DYM: variants seen among roughly 807,000 people sequenced by gnomAD.
The protein encoded by DYM is dymeclin.
DYM carries 78 observed loss-of-function variants against 93.1 expected under a neutral mutation model. The observed-to-expected ratio is 0.84, with a 90% CI of 0.70 to 1.01. The LOEUF (loss-of-function observed/expected upper bound fraction) is 1.01. Ranked by LOEUF, DYM falls within the 50% of genes least tolerant of loss-of-function variation. The probability of loss-of-function intolerance (pLI) is 0.00; values close to 1 mark genes in which losing one functional copy is unlikely to be tolerated. For missense variants in DYM, 789 were observed against 845.0 expected (o/e 0.93, Z 0.82); for synonymous variants, 321 against 319.7 (o/e 1.00, Z -0.04).
intron 5 of DYM, among the ~76,000 whole-genome samples, chr18:49,364,661 A>G (rs1381042418): frequency 6.6e-6 from 1 of 152,166 alleles, no homozygotes; most frequent in Non-Finnish European, 1.5e-5. Flanking sequence ...TCCATGCTCC[A>G]AAGTACAGCA....
At chr18:49,197,122 G>A (rs1321566035) in intron 14 of DYM, among the ~76,000 whole-genome samples, 1 of 152,092 alleles carries the variant, frequency 6.6e-6, no homozygotes, top group East Asian at 1.9e-4. Context: ...CTTGGGAGAT[G>A]GGACATGTGA....
chr18:49,232,757 C>T (rs1459516475), intron 13 of DYM, among the ~76,000 whole-genome samples: 26 of 151,616 alleles, frequency 1.7e-4, no homozygotes, highest in Admixed American at 1.3e-3. Flanking sequence ...TACAGATGCG[C>T]GCCACCACGC....
intron 13 of DYM, among the ~76,000 whole-genome samples, chr18:49,215,155 A>G (rs1215425291): frequency 1.3e-5 from 2 of 152,258 alleles, no homozygotes; most frequent in Non-Finnish European, 2.9e-5. Context: ...CATGGAATTC[A>G]GTACACAAAG....
intron 8 of DYM, among the ~76,000 whole-genome samples, chr18:49,329,323 A>G (rs563741469): frequency 6.6e-6 from 1 of 151,678 alleles, no homozygotes; most frequent in East Asian, 1.9e-4. Context: ...ATTAGGAGAA[A>G]TACCTAATGT....
chr18:49,246,156 AC>A (rs1315583373), intron 13 of DYM, among the ~76,000 whole-genome samples: 1 of 152,212 alleles, frequency 6.6e-6, no homozygotes, highest in Non-Finnish European at 1.5e-5. Flanking sequence ...GGAGTTATCT[AC>A]CTACCTTTTT....
In DYM at chr18:49,041,349, C is replaced by T. The variant is rs2070911229; in HGVS notation, c.*2706G>A. On this transcript the variant is annotated 3_prime_UTR_variant, in exon 18 of 18. Transcript: ENST00000675505. ...ACACAATGCAGTAACAGCTTCAGAT[C>T]TGGGGTAAAATCAGATGCCAATTTC... 1.3e-5 allele frequency: 2 copies of T among 152,222 alleles called. No individual in the cohort carries two copies. Among genetic ancestry groups the T allele is most frequent in the South Asian group, 4.1e-4 (2 of 4,830 alleles). The allele number at this position is 152,222 out of a possible 1,614,324, so 9.4% of individuals were successfully genotyped here. A position where few individuals can be genotyped will look rare whatever the true frequency, so the allele number is the denominator to read the frequency against.
intron 17 of DYM, among the ~76,000 whole-genome samples, chr18:49,045,569 C>T (rs888065750): frequency 9.2e-5 from 14 of 152,160 alleles, no homozygotes; most frequent in Non-Finnish European, 1.9e-4. Flanking sequence ...CCTAGAGATA[C>T]GGGGGTGCGG....
intron 8 of DYM, among the ~76,000 whole-genome samples, chr18:49,318,709 G>C (rs28394213): frequency 0.025 from 3,839 of 151,498 alleles, 155 homozygotes; most frequent in African/African-American, 0.086. Flanking sequence ...ATCTTGAAAA[G>C]TAAGTGATAA....
Position 49,430,430 on chromosome 18 carries a change from G to C in DYM, c.-36C>G, listed in dbSNP as rs373940143. Reference sequence around the variant, plus strand: ...AAGCAGATAATTTGTCCTTAAACCTGCATTTCCAAAAGACAACCTATAAAA... The same window carrying C: ...AAGCAGATAATTTGTCCTTAAACCTCCATTTCCAAAAGACAACCTATAAAA... On this transcript the variant is annotated 5_prime_UTR_variant, in exon 2 of 18. Coordinates refer to ENST00000675505, the MANE Select transcript of DYM (RefSeq NM_001353214.3). The C allele has an allele frequency of 6.3e-5, 101 of 1,610,482 alleles. No homozygotes were observed. Among genetic ancestry groups the C allele is most frequent in the Non-Finnish European group, 8.1e-5 (96 of 1,179,658 alleles).
intron 8 of DYM, among the ~76,000 whole-genome samples, chr18:49,300,081 A>T (rs1280877152): frequency 2.2e-5 from 3 of 136,738 alleles, no homozygotes; most frequent in Non-Finnish European, 3.1e-5. Context: ...ATATATATAT[A>T]TATAAATATA....
intron 17 of DYM, among the ~76,000 whole-genome samples, chr18:49,070,806 T>G (rs993061167): frequency 2.6e-5 from 4 of 152,180 alleles, no homozygotes; most frequent in African/African-American, 9.7e-5. Flanking sequence ...GGAAAAGGAA[T>G]GTTAGCCGCT....
intron 8 of DYM, among the ~76,000 whole-genome samples, chr18:49,318,749 A>G (rs966302883): frequency 6.6e-6 from 1 of 150,392 alleles, no homozygotes; most frequent in African/African-American, 2.5e-5. Context: ...CTCAAATAGC[A>G]TCTCTCTTGA....
intron 6 of DYM, among the ~76,000 whole-genome samples, chr18:49,342,515 G>A (rs532399218): frequency 1.4e-4 from 22 of 152,288 alleles, no homozygotes; most frequent in African/African-American, 5.1e-4. Flanking sequence ...GTAAGAATCA[G>A]ATTATGTGCT....
chr18:49,363,014 A>ACCT (rs2066170149), intron 6 of DYM, 147 bp downstream of exon 6: 1 of 676,544 alleles, frequency 1.5e-6, no homozygotes, highest in African/African-American at 1.8e-5. Context: ...AATATTAGGT[A>ACCT]GAGAGAAAAG....
chr18:49,105,815 G>A (rs1218882840), intron 16 of DYM, among the ~76,000 whole-genome samples: 1 of 152,188 alleles, frequency 6.6e-6, no homozygotes, highest in East Asian at 1.9e-4. Flanking sequence ...GCTGAGGAGA[G>A]CTTTACTTCC....
intron 15 of DYM, among the ~76,000 whole-genome samples, chr18:49,125,269 A>G (rs1568460111): frequency 6.6e-6 from 1 of 152,192 alleles, no homozygotes; most frequent in East Asian, 1.9e-4. Flanking sequence ...AAAGGTAAAT[A>G]AATAAATAAA....
intron 6 of DYM, among the ~76,000 whole-genome samples, chr18:49,345,011 T>A (rs1599571211): frequency 6.6e-6 from 1 of 152,320 alleles, no homozygotes; most frequent in African/African-American, 2.4e-5. Flanking sequence ...GCTAAGCTGC[T>A]GTGACAAAGA....
intron 14 of DYM, among the ~76,000 whole-genome samples, chr18:49,196,908 G>A (rs921389640): frequency 6.6e-6 from 1 of 152,122 alleles, no homozygotes; most frequent in Non-Finnish European, 1.5e-5. Flanking sequence ...TCTGAGCTAG[G>A]GTGACTGGCA....
intron 17 of DYM, chr18:49,048,429 A>C (rs2071931653): frequency 6.6e-6 from 1 of 152,174 alleles, no homozygotes; most frequent in South Asian, 2.1e-4. Context: ...CGCTGTTAAA[A>C]CGCACTTCTC....
Sources: gnomAD v4.1 joint callset for allele counts (sites outside exome capture counted in the v4.1 genomes callset) on GRCh38, gnomAD v4.1.1 for gene constraint, MANE v1.5 for transcripts, NCBI Gene and HGNC (gene_info 2026-07-23, HGNC 2026-07-21) for gene names.